The following LCA5L variants were observed in gnomAD, a reference collection of about 807,000 sequenced individuals.
The protein encoded by LCA5L is lebercilin LCA5 like.
LCA5L carries 35 observed loss-of-function variants against 45.4 expected under a neutral mutation model. The ratio of observed to expected loss-of-function variants is 0.77; its 90% CI spans 0.59 to 1.02. The LOEUF is 1.02. Among genes scored for constraint, LCA5L ranks in the 50% least tolerant of loss-of-function variants. The pLI, the probability that LCA5L is intolerant of heterozygous loss-of-function variation, is 0.00. For missense variants in LCA5L, 668 were observed against 761.6 expected (o/e 0.88, Z 1.45); for synonymous variants, 233 against 264.7 (o/e 0.88, Z 1.16).
chr21:39,417,902 A>G (rs909504462), intron 7 of LCA5L, among the ~76,000 whole-genome samples: 22 of 152,026 alleles, frequency 1.4e-4, no homozygotes, highest in South Asian at 8.3e-4. Flanking sequence ...AGTAGCTGGG[A>G]CTACAGGTGC....
chr21:39,414,774 G>C (rs371428642), intron 7 of LCA5L, among the ~76,000 whole-genome samples: 81 of 151,356 alleles, frequency 5.4e-4, no homozygotes, highest in African/African-American at 1.9e-3. Flanking sequence ...GTGTGTGTGT[G>C]TGTGTCTGTG....
intron 2 of LCA5L, among the ~76,000 whole-genome samples, chr21:39,440,218 T>C (rs1177393228): frequency 6.6e-6 from 1 of 152,134 alleles, no homozygotes; most frequent in African/African-American, 2.4e-5. Flanking sequence ...TTGGGGTTCC[T>C]TGGAGAAATG....
intron 3 of LCA5L, among the ~76,000 whole-genome samples, chr21:39,432,355 T>C (rs886679512): frequency 6.6e-6 from 1 of 152,158 alleles, no homozygotes; most frequent in African/African-American, 2.4e-5. Flanking sequence ...CAGATGATAA[T>C]AACACTTAAA....
At chr21:39,426,983 C>T (rs1159019282) in intron 5 of LCA5L, among the ~76,000 whole-genome samples, 1 of 152,244 alleles carries the variant, frequency 6.6e-6, no homozygotes, top group Non-Finnish European at 1.5e-5. Flanking sequence ...ATGGGGTTCA[C>T]AGACATGTGT....
chr21:39,427,958 G>A (rs1418485709), intron 5 of LCA5L: 1 of 383,810 alleles, frequency 2.6e-6, no homozygotes, highest in Admixed American at 4.5e-5. Context: ...AGCCATGCAG[G>A]GGGCTAGGCT....
chr21:39,442,128 C>T (rs1355206086), intron 2 of LCA5L, among the ~76,000 whole-genome samples: 2 of 152,012 alleles, frequency 1.3e-5, no homozygotes, highest in Non-Finnish European at 2.9e-5. Flanking sequence ...GGAAGTTATC[C>T]CTGTAGAAGT....
rs748330039 is a variant in LCA5L at position 39,406,080 on chromosome 21, T to A, written c.1815A>T (p.Ser605=). The A allele has an allele frequency of 1.2e-6, 2 of 1,614,190 alleles. No homozygotes were observed. Among genetic ancestry groups the A allele is most frequent in the Non-Finnish European group, 1.7e-6 (2 of 1,180,018 alleles). ...ATTGGTCAGTTTTCAAGACATAGCC[T>A]GATCCAAAGAGTTCTTCCATGAGAC... The part of the protein sequence containing the change: ...KSSLMEELFG[S]GYVLKTDQSS... Residue 605 remains serine (S), a synonymous_variant, in exon 11 of 11, where the codon TCA becomes TCT. Coordinates refer to ENST00000288350, the MANE Select transcript of LCA5L (RefSeq NM_152505.4).
chr21:39,422,975 C>A lies in LCA5L; in HGVS notation c.837+1G>T, dbSNP rs761958234. ...ACTGTCTGGGCCCCTGAAATACAGACCTGTATTTTTTTGTCATTTGCGTCC... is the reference window on the plus strand; with the variant it reads ...ACTGTCTGGGCCCCTGAAATACAGAACTGTATTTTTTTGTCATTTGCGTCC... On this transcript the variant is annotated splice_donor_variant, in intron 6 of 10. Coordinates refer to ENST00000288350, the MANE Select transcript of LCA5L (RefSeq NM_152505.4). LOFTEE classifies it high-confidence loss of function. 13 of 1,612,654 alleles carry A rather than the reference C, an allele frequency of 8.1e-6. No individual in the cohort carries two copies. The highest frequency in any genetic ancestry group is 1.0e-5 in the Non-Finnish European group (12 of 1,179,380).
At chr21:39,427,467 C>G (rs1377924470) in intron 5 of LCA5L, among the ~76,000 whole-genome samples, 1 of 151,968 alleles carries the variant, frequency 6.6e-6, no homozygotes, top group Non-Finnish European at 1.5e-5. Context: ...TCGAGACCAT[C>G]CTGGCTAACA....
In LCA5L at chr21:39,423,475, G is replaced by A. The variant is rs1390307478; in HGVS notation, c.338C>T (p.Ser113Leu). 7 of 1,562,652 alleles carry A rather than the reference G, an allele frequency of 4.5e-6. No homozygotes were observed. The highest frequency in any genetic ancestry group is 2.7e-5 in the African/African-American group (2 of 73,000). ...ATTCCAGGTGTGCTTTTTTTCAACT[G>A]ATATTTCCTTCTGGCCTGTGTAAGC... ...ISQSKGQKEI[S>L]VEKKHTWNAS... The change falls in exon 6 of 11, where the codon TCA becomes TTA. Residue 113 changes from serine to leucine, a missense_variant. Transcript: ENST00000288350.
intron 10 of LCA5L, among the ~76,000 whole-genome samples, chr21:39,407,515 G>A (rs1418009269): frequency 1.3e-5 from 2 of 152,164 alleles, no homozygotes; most frequent in East Asian, 1.9e-4. Context: ...TCACTGTGGC[G>A]TGGGTTAGTA....
intron 8 of LCA5L, chr21:39,410,975 GCT>G: frequency 2.1e-6 from 1 of 468,810 alleles, no homozygotes. Context: ...CGAATCTGTT[GCT>G]GGGAGATTTT....
chr21:39,432,556 A>G (rs771404134), intron 3 of LCA5L, among the ~76,000 whole-genome samples: 1 of 152,178 alleles, frequency 6.6e-6, no homozygotes, highest in Non-Finnish European at 1.5e-5. Context: ...GTACCATTTG[A>G]TAAGATTAGA....
rs755750468 is a variant in LCA5L at position 39,423,138 on chromosome 21, A to C, written c.675T>G (p.Ser225=). The change falls in exon 6 of 11, where the codon TCT becomes TCG. Residue 225 remains serine (S), a synonymous_variant. Transcript: ENST00000288350. ...RKSQEKERTL[S]RKLRETDSQL... ...GGCTGTCAGTTTCTCTAAGTTTCCT[A>C]GATAGAGTTCTTTCCTTTTCCTGGG... 1.2e-6 allele frequency: 2 copies of C among 1,613,786 alleles called. No homozygotes were observed. The highest frequency in any genetic ancestry group is 1.7e-6 in the Non-Finnish European group (2 of 1,179,894).
intron 7 of LCA5L, among the ~76,000 whole-genome samples, chr21:39,412,205 G>A (rs1196271736): frequency 2.0e-5 from 3 of 152,116 alleles, no homozygotes; most frequent in South Asian, 2.1e-4. Flanking sequence ...TCCAATAGGC[G>A]GTCAGCAGCT....
intron 7 of LCA5L, among the ~76,000 whole-genome samples, chr21:39,416,891 A>G (rs777421978): frequency 6.6e-6 from 1 of 152,160 alleles, no homozygotes; most frequent in Non-Finnish European, 1.5e-5. Flanking sequence ...GTCACTTGGA[A>G]TGGCTTCTTT....
At chr21:39,443,653 C>A (rs1043355958) in intron 2 of LCA5L, 3 of 152,226 alleles carry the variant, frequency 2.0e-5, no homozygotes, top group African/African-American at 7.2e-5. Context: ...CCTCAGCTAA[C>A]CGTGGCAATC....
rs138782916 is a variant in LCA5L at position 39,423,376 on chromosome 21, G to A, written c.437C>T (p.Ala146Val). 1.9e-6 allele frequency: 3 copies of A among 1,611,948 alleles called. No homozygotes were observed. In the African/African-American group the frequency reaches 4.0e-5, roughly 22 times the overall value. ...TAGTCCTTTAATTTTATGAAGCCTT[G>A]CTGAGAGTATTCGATGAGCCATAGC... is the stretch of plus-strand genomic sequence containing the variant. ...RDAMAHRILS[A>V]RLHKIKGLKN... The change falls in exon 6 of 11, where the codon GCA (alanine) becomes GTA (valine). Residue 146 changes from alanine to valine, a missense_variant. Coordinates refer to ENST00000288350, the MANE Select transcript of LCA5L (RefSeq NM_152505.4).
intron 10 of LCA5L, among the ~76,000 whole-genome samples, chr21:39,407,432 T>A (rs368151053): frequency 2.0e-5 from 3 of 152,190 alleles, no homozygotes; most frequent in Non-Finnish European, 4.4e-5. Flanking sequence ...TTTAGGTGAA[T>A]ATACTCTTAG....
Sources: allele counts gnomAD v4.1 joint callset (sites outside exome capture counted in the v4.1 genomes callset), GRCh38; gene constraint gnomAD v4.1.1; transcripts MANE v1.5; gene names NCBI Gene and HGNC (gene_info 2026-07-23, HGNC 2026-07-21).